The following OLA1 variants were observed in gnomAD, a reference collection of about 807,000 sequenced individuals.
OLA1 encodes the protein Obg like ATPase 1, also known as obg-like ATPase 1.
A neutral mutation model predicts 48.4 loss-of-function variants in OLA1; 14 were observed. The ratio of observed to expected loss-of-function variants is 0.29; its 90% CI spans 0.19 to 0.45. The LOEUF (loss-of-function observed/expected upper bound fraction) is 0.45. Ranked by LOEUF, OLA1 falls within the 20% of genes least tolerant of loss-of-function variation. The probability of loss-of-function intolerance (pLI) is 1.00; values close to 1 mark genes in which losing one functional copy is unlikely to be tolerated. For synonymous variants in OLA1, 127 were observed against 150.4 expected (o/e 0.84, Z 1.14); for missense variants, 325 against 467.1 (o/e 0.70, Z 2.80).
intron 7 of OLA1, among the ~76,000 whole-genome samples, chr2:174,084,052 G>C: frequency 6.6e-6 from 1 of 152,134 alleles, no homozygotes; most frequent in East Asian, 1.9e-4. Flanking sequence ...AATGAATAAA[G>C]ACTTACAAAT....
At chr2:174,233,476 C>T (rs1185201361) in intron 2 of OLA1, among the ~76,000 whole-genome samples, 1 of 152,158 alleles carries the variant, frequency 6.6e-6, no homozygotes, top group Non-Finnish European at 1.5e-5. Flanking sequence ...TGGGTTCAAG[C>T]GATTCTCATG....
At chr2:174,216,015 A>C (rs561872821) in intron 4 of OLA1, among the ~76,000 whole-genome samples, 3 of 152,270 alleles carry the variant, frequency 2.0e-5, no homozygotes, top group East Asian at 3.9e-4. Flanking sequence ...GAATAACATA[A>C]GCCAGGCAAG....
chr2:174,219,451 G>A (rs1574560085), intron 4 of OLA1, among the ~76,000 whole-genome samples: 2 of 89,680 alleles, frequency 2.2e-5, no homozygotes, highest in South Asian at 3.7e-4. Flanking sequence ...TTTTTTTTGC[G>A]ATGGGTCTCA....
intron 4 of OLA1, among the ~76,000 whole-genome samples, chr2:174,170,685 G>C (rs1687278824): frequency 6.6e-6 from 1 of 152,136 alleles, no homozygotes; most frequent in Non-Finnish European, 1.5e-5. Flanking sequence ...ACTGCTTGAG[G>C]CCAGGAGTTC....
Position 174,174,013 on chromosome 2 carries a change from C to A in OLA1, c.374-32013G>T, listed in dbSNP as rs1385670405. ...AATCTGAAATAAAAACCTTCCCATA[C>A]ATACACACACACACACACACACAAA... On this transcript the variant is annotated intron_variant, in intron 4 of 10. Coordinates refer to ENST00000284719, the MANE Select transcript of OLA1 (RefSeq NM_013341.5). Among the ~76,000 whole-genome samples, 28 of 109,218 alleles carry A rather than the reference C, an allele frequency of 2.6e-4. 1 individual carries two copies. In the South Asian group the frequency reaches 9.6e-3, roughly 37 times the overall value. 71.7% of individuals were successfully genotyped at this position (109,218 alleles called of 152,430 possible).
intron 4 of OLA1, among the ~76,000 whole-genome samples, chr2:174,186,745 C>A (rs931134248): frequency 6.6e-6 from 1 of 152,062 alleles, no homozygotes; most frequent in Non-Finnish European, 1.5e-5. Context: ...GCAGATGCCC[C>A]TATAGGTAAC....
chr2:174,180,633 T>C (rs1224780925), intron 4 of OLA1, among the ~76,000 whole-genome samples: 1 of 152,224 alleles, frequency 6.6e-6, no homozygotes, highest in Non-Finnish European at 1.5e-5. Flanking sequence ...AAGTATCCAC[T>C]GTCCTGTGGA....
intron 4 of OLA1, among the ~76,000 whole-genome samples, chr2:174,207,836 A>C (rs539696499): frequency 1.2e-4 from 19 of 152,338 alleles, no homozygotes; most frequent in African/African-American, 3.8e-4. Context: ...CTATGAGAGA[A>C]AATAAGTAAA....
chr2:174,127,529 C>T (rs1686071089), intron 5 of OLA1, among the ~76,000 whole-genome samples: 1 of 152,080 alleles, frequency 6.6e-6, no homozygotes, highest in Admixed American at 6.6e-5. Flanking sequence ...CTTCAGTTCC[C>T]ATAGCAGGAA....
chr2:174,134,713 T>A lies in OLA1; in HGVS notation c.549+7112A>T, dbSNP rs61258676. On this transcript the variant is annotated intron_variant, in intron 5 of 10. Coordinates refer to ENST00000284719, the MANE Select transcript of OLA1 (RefSeq NM_013341.5). Reference sequence around the variant, plus strand: ...TCTGAAAACATATAGGGGTAATGGTTGTACAATATTATAAATGTACTTAAT... The same window carrying A: ...TCTGAAAACATATAGGGGTAATGGTAGTACAATATTATAAATGTACTTAAT... Among the ~76,000 whole-genome samples, 828 of 152,330 alleles carry A rather than the reference T, an allele frequency of 5.4e-3. 5 individuals carry two copies. The highest frequency in any genetic ancestry group is 0.019 in the African/African-American group (783 of 41,568).
At chr2:174,139,077 T>G (rs1686378286) in intron 5 of OLA1, among the ~76,000 whole-genome samples, 1 of 152,218 alleles carries the variant, frequency 6.6e-6, no homozygotes, top group South Asian at 2.1e-4. Context: ...AAATTAACCT[T>G]GATCTTGATG....
intron 4 of OLA1, among the ~76,000 whole-genome samples, chr2:174,199,041 A>G (rs1277683146): frequency 6.6e-6 from 1 of 152,042 alleles, no homozygotes; most frequent in Non-Finnish European, 1.5e-5. Flanking sequence ...ATTTTATTGT[A>G]TCTCAACCCT....
At chr2:174,182,053 A>G (rs1229426251) in intron 4 of OLA1, among the ~76,000 whole-genome samples, 1 of 152,194 alleles carries the variant, frequency 6.6e-6, no homozygotes, top group East Asian at 1.9e-4. Flanking sequence ...TTCTCAATAA[A>G]ATAAGGAACT....
chr2:174,205,459 G>T (rs1688091024), intron 4 of OLA1, among the ~76,000 whole-genome samples: 1 of 152,150 alleles, frequency 6.6e-6, no homozygotes, highest in Non-Finnish European at 1.5e-5. Flanking sequence ...CTACTCATCT[G>T]GCAACCTGAA....
intron 7 of OLA1, among the ~76,000 whole-genome samples, chr2:174,104,848 C>T (rs1035784907): frequency 6.6e-6 from 1 of 151,884 alleles, no homozygotes; most frequent in Admixed American, 6.6e-5. Flanking sequence ...AAAAGCCAGA[C>T]ACACAGGTCT....
intron 4 of OLA1, among the ~76,000 whole-genome samples, chr2:174,169,025 C>A (rs1459338503): frequency 6.6e-6 from 1 of 152,016 alleles, no homozygotes; most frequent in Non-Finnish European, 1.5e-5. Context: ...ATGGCGCAAT[C>A]TCAGCTCACT....
intron 3 of OLA1, among the ~76,000 whole-genome samples, chr2:174,226,838 G>A (rs1046757544): frequency 3.3e-5 from 5 of 152,042 alleles, no homozygotes; most frequent in South Asian, 2.1e-4. Context: ...GGTGGGGCTC[G>A]GCACAAATTT....
intron 2 of OLA1, among the ~76,000 whole-genome samples, chr2:174,239,227 G>A (rs867299638): frequency 9.9e-5 from 15 of 152,098 alleles, no homozygotes; most frequent in Admixed American, 2.0e-4. Flanking sequence ...AAAAGTATGA[G>A]AAACAATATA....
chr2:174,100,822 C>A (rs930604074), intron 7 of OLA1, among the ~76,000 whole-genome samples: 5 of 152,160 alleles, frequency 3.3e-5, no homozygotes, highest in Admixed American at 3.3e-4. Context: ...CCTATGCTCC[C>A]TTCCATGAAT....
Sources: gnomAD v4.1 joint callset for allele counts (sites outside exome capture counted in the v4.1 genomes callset) on GRCh38, gnomAD v4.1.1 for gene constraint, MANE v1.5 for transcripts, NCBI Gene and HGNC (gene_info 2026-07-23, HGNC 2026-07-21) for gene names.